NCOA6: variants seen among roughly 807,000 people sequenced by gnomAD.
The protein encoded by NCOA6 is NRC RAP250.
A neutral mutation model predicts 171.4 loss-of-function variants in NCOA6; 49 were observed. The observed-to-expected ratio is 0.29, with a 90% CI of 0.23 to 0.36. The LOEUF is 0.36. Ranked by LOEUF, NCOA6 falls within the 10% of genes least tolerant of loss-of-function variation. NCOA6 has a pLI of 1.00. For missense variants in NCOA6, 2,248 were observed against 2,554.5 expected, an observed-to-expected ratio of 0.88 and a Z score of 2.59; for synonymous variants, 910 against 927.5, an observed-to-expected ratio of 0.98 and a Z score of 0.34.
intron 5 of NCOA6, among the ~76,000 whole-genome samples, chr20:34,759,548 A>G (rs767465969): frequency 3.9e-5 from 6 of 152,026 alleles, no homozygotes; most frequent in Non-Finnish European, 8.8e-5. Context: ...GTAGATAAAC[A>G]TTTTTTGTAT....
At chr20:34,760,657 C>G (rs1214813057) in intron 5 of NCOA6, among the ~76,000 whole-genome samples, 1 of 152,144 alleles carries the variant, frequency 6.6e-6, no homozygotes, top group African/African-American at 2.4e-5. Context: ...ATTTTTATTT[C>G]AATTTCTTAA....
At chr20:34,783,988 A>G (rs2077591180) in intron 2 of NCOA6, among the ~76,000 whole-genome samples, 2 of 152,180 alleles carry the variant, frequency 1.3e-5, no homozygotes, top group African/African-American at 4.8e-5. Context: ...TTATATTATT[A>G]AAGTATTACG....
intron 2 of NCOA6, among the ~76,000 whole-genome samples, chr20:34,785,148 CA>C (rs1452934427): frequency 6.6e-6 from 1 of 151,970 alleles, no homozygotes; most frequent in Non-Finnish European, 1.5e-5. Context: ...AAAGGCTTTC[CA>C]AAAACCAACC....
chr20:34,755,992 CT>C (rs1274157893), intron 7 of NCOA6, among the ~76,000 whole-genome samples: 7 of 152,206 alleles, frequency 4.6e-5, no homozygotes, highest in Non-Finnish European at 1.0e-4. Context: ...CCGCCTTGGC[CT>C]CCCAAAGTGC....
At chr20:34,772,877 T>C (rs1260300317) in intron 4 of NCOA6, among the ~76,000 whole-genome samples, 1 of 152,234 alleles carries the variant, frequency 6.6e-6, no homozygotes, top group Non-Finnish European at 1.5e-5. Flanking sequence ...TTGATAATTA[T>C]AATTCTATTT....
In NCOA6 at chr20:34,823,105, T is replaced by C. The variant is rs187901818; in HGVS notation, c.-164+2367A>G. On this transcript the variant is annotated intron_variant, in intron 1 of 14. Transcript: ENST00000359003. ...TATTAGATTTGTATATTTTGGAAAC[T>C]GTATTTTAATATAATTGGTGTTCCT... is the stretch of plus-strand genomic sequence containing the variant. 1.4e-3 allele frequency among the ~76,000 whole-genome samples: 213 copies of C among 152,364 alleles called. 1 individual carries two copies. The highest frequency in any genetic ancestry group is 4.9e-3 in the African/African-American group (204 of 41,576).
At chr20:34,735,412 G>A (rs901133671) in intron 12 of NCOA6, among the ~76,000 whole-genome samples, 21 of 152,132 alleles carry the variant, frequency 1.4e-4, no homozygotes, top group African/African-American at 4.8e-4. Flanking sequence ...TTGGGAGGAC[G>A]AGGCAGGTGG....
At chr20:34,716,215 CAAAAAAAAA>C (rs34030662) in intron 14 of NCOA6, among the ~76,000 whole-genome samples, 2 of 73,810 alleles carry the variant, frequency 2.7e-5, no homozygotes, top group Non-Finnish European at 2.6e-5. Context: ...GACTCCGTCT[CAAAAAAAAA>C]AAAAAAAAAA....
chr20:34,740,526 G>C lies in NCOA6; in HGVS notation c.5730C>G (p.Leu1910=). Residue 1910 remains leucine (L), a synonymous_variant, in exon 11 of 15, where the codon CTC becomes CTG. Transcript: ENST00000359003. ...SAGPSLPGGA[L]PTSVRSIVTT... The stretch of plus-strand genomic sequence containing the variant: ...TTACTATCGAGCGTACACTGGTGGG[G>C]AGAGCACCGCCAGGTAAGCTGGGTC... 1 of 1,614,214 alleles carries C rather than the reference G, an allele frequency of 6.2e-7. No individual in the cohort carries two copies. Among genetic ancestry groups the C allele is most frequent in the Non-Finnish European group, 8.5e-7 (1 of 1,180,044 alleles).
rs761430261 is a variant in NCOA6 at position 34,749,865 on chromosome 20, G to T, written c.2330C>A (p.Pro777Gln). 6.2e-7 allele frequency: 1 copy of T among 1,614,206 alleles called. No individual in the cohort carries two copies. The highest frequency in any genetic ancestry group is 1.1e-5 in the South Asian group (1 of 91,080). The change falls in exon 9 of 15, where the codon CCA becomes CAA. Residue 777 changes from proline to glutamine, a missense_variant. By Grantham distance (76) the Pro-to-Gln change is moderately conservative. This residue lies in a region of NCOA6 where 987 missense variants were observed against 1,104.7 expected (regional missense o/e 0.89). Transcript: ENST00000359003. ...TCCCTGAATGCCCATAACCTGAGAT[G>T]GACTGTTGTTCACAGGCCCTTGCTG... ...LPQQGPVNNS[P>Q]SQVMGIQGQV...
At chr20:34,720,948 C>A (rs1213681935) in intron 14 of NCOA6, among the ~76,000 whole-genome samples, 2 of 151,656 alleles carry the variant, frequency 1.3e-5, no homozygotes, top group Non-Finnish European at 2.9e-5. Context: ...TACTGAAAAA[C>A]CAAAAGAGCT....
chr20:34,715,459 A>T, intron 14 of NCOA6, 94 bp from the exon 15 acceptor site: 1 of 875,898 alleles, frequency 1.1e-6, no homozygotes, highest in Non-Finnish European at 1.9e-6. Flanking sequence ...ACCTAAGGGG[A>T]GCCCTACTCA....
intron 11 of NCOA6, among the ~76,000 whole-genome samples, chr20:34,739,685 A>G (rs1434968693): frequency 6.6e-6 from 1 of 152,216 alleles, no homozygotes; most frequent in Non-Finnish European, 1.5e-5. Flanking sequence ...CTGAACAAAC[A>G]CTGAACGTCT....
intron 5 of NCOA6, among the ~76,000 whole-genome samples, chr20:34,767,585 C>T (rs2077017835): frequency 6.6e-6 from 1 of 152,178 alleles, no homozygotes; most frequent in South Asian, 2.1e-4. Context: ...CATGACCAAT[C>T]GTGCCCGGCC....
chr20:34,747,065 TAGATA>T, intron 9 of NCOA6, 137 bp from the exon 10 acceptor site: 2 of 876,592 alleles, frequency 2.3e-6, no homozygotes, highest in Non-Finnish European at 3.1e-6. Flanking sequence ...CTCTCTAGTC[TAGATA>T]AAATATTAAA....
chr20:34,741,802 C>T lies in NCOA6; in HGVS notation c.4454G>A (p.Arg1485Lys), dbSNP rs145686590. The stretch of plus-strand genomic sequence containing the variant: ...TTGACTTAACGATGTTGGTGCTTCC[C>T]TCATAGCAGGAGACACCAAATTTTT... ...ENKNLVSPAM[R>K]EAPTSLSQLL... The change falls in exon 11 of 15, where the codon AGG (arginine) becomes AAG (lysine). Residue 1485 changes from arginine (R) to lysine (K), a missense_variant. This residue lies in a region of NCOA6 where 884 missense variants were observed against 941.9 expected (regional missense o/e 0.94). Coordinates refer to ENST00000359003, the MANE Select transcript of NCOA6 (RefSeq NM_014071.5). 2.5e-6 allele frequency: 4 copies of T among 1,614,178 alleles called. No individual in the cohort carries two copies. The highest frequency in any genetic ancestry group is 3.4e-6 in the Non-Finnish European group (4 of 1,180,034).
chr20:34,791,425 C>T (rs1343113956), intron 2 of NCOA6, among the ~76,000 whole-genome samples: 1 of 152,106 alleles, frequency 6.6e-6, no homozygotes, highest in Non-Finnish European at 1.5e-5. Flanking sequence ...CTGCTTGTGG[C>T]AACAGCTCTA....
chr20:34,776,108 C>T (rs1429303658), intron 4 of NCOA6, among the ~76,000 whole-genome samples, 185 bp downstream of exon 4: 2 of 152,218 alleles, frequency 1.3e-5, no homozygotes, highest in African/African-American at 4.8e-5. Flanking sequence ...CATCAGGACC[C>T]AGCAATAACC....
Position 34,743,075 on chromosome 20 carries a change from G to C in NCOA6, c.3181C>G (p.Leu1061Val), listed in dbSNP as rs371257910. 6.2e-7 allele frequency: 1 copy of C among 1,613,388 alleles called. No individual in the cohort carries two copies. Reference sequence around the variant, plus strand: ...GGCATTCTCTGGGAGTCGGGGTTCAGGGGGCCCCTTGGAGGATGGACATTT... The same window carrying C: ...GGCATTCTCTGGGAGTCGGGGTTCACGGGGCCCCTTGGAGGATGGACATTT... ...SQNVHPPRGP[L>V]NPDSQRMPMQ... Residue 1061 changes from leucine (L) to valine (V), a missense_variant, in exon 11 of 15, where the codon CTG (leucine) becomes GTG (valine). Physicochemically the swap from Leu to Val is conservative, Grantham distance 32. Transcript: ENST00000359003.
Sources: allele counts gnomAD v4.1 joint callset (sites outside exome capture counted in the v4.1 genomes callset), GRCh38; gene constraint gnomAD v4.1.1; regional missense constraint gnomAD v4.1.1; transcripts MANE v1.5; gene names NCBI Gene and HGNC (gene_info 2026-07-23, HGNC 2026-07-21).